SORBS2: variants seen among roughly 807,000 people sequenced by gnomAD.
The protein encoded by SORBS2 is sorbin and SH3 domain containing 2, also known as sorbin and SH3 domain-containing protein 2.
In SORBS2, 46 loss-of-function variants were observed where a neutral mutation model predicts 97.7. The observed-to-expected ratio is 0.47, with a 90% CI of 0.37 to 0.60. The LOEUF is 0.60. Ranked by LOEUF, SORBS2 falls within the 20% of genes least tolerant of loss-of-function variation. The probability of loss-of-function intolerance (pLI) is 0.00; values close to 1 mark genes in which losing one functional copy is unlikely to be tolerated. For synonymous variants in SORBS2, 476 were observed against 473.4 expected (o/e 1.01, Z -0.07); for missense variants, 1,316 against 1,282.3 (o/e 1.03, Z -0.40).
chr4:185,824,767 A>G (rs568201582), intron 1 of SORBS2, among the ~76,000 whole-genome samples: 77 of 152,186 alleles, frequency 5.1e-4, no homozygotes, highest in Non-Finnish European at 7.1e-4. Flanking sequence ...TGAATCAACA[A>G]CAAAAAGGGA....
intron 1 of SORBS2, among the ~76,000 whole-genome samples, chr4:185,910,404 C>G (rs1471652391): frequency 6.6e-6 from 1 of 152,152 alleles, no homozygotes; most frequent in Admixed American, 6.5e-5. Flanking sequence ...TCATTTTATC[C>G]TCTCCATTTC....
intron 4 of SORBS2, among the ~76,000 whole-genome samples, chr4:185,636,941 T>C (rs779368877): frequency 3.6e-4 from 55 of 152,174 alleles, no homozygotes; most frequent in Non-Finnish European, 1.0e-4. Flanking sequence ...GCCACCGTGC[T>C]CGGCCTCAAG....
In SORBS2 at chr4:185,623,103, T is replaced by G; in HGVS notation, c.2026A>C (p.Asn676His). ...CTCCTCAGCGCTCTCAGGGATGAGT[T>G]CCTCTCGGGAACATCTGGCAGCAGC... Residue 676 changes from asparagine to histidine, a missense_variant, in exon 7 of 15, where the codon AAC becomes CAC. Asn to His is a moderately conservative substitution (Grantham distance 68). Transcript: ENST00000418609. The surrounding 1 kb of genome is among the most constrained non-coding windows in gnomAD (Gnocchi z 6.4). 6.2e-7 allele frequency: 1 copy of G among 1,614,024 alleles called. No homozygotes were observed. The highest frequency in any genetic ancestry group is 8.5e-7 in the Non-Finnish European group (1 of 1,179,988).
intron 1 of SORBS2, among the ~76,000 whole-genome samples, chr4:185,879,166 C>CCCCG (rs2099235387): frequency 1.6e-5 from 1 of 62,862 alleles, no homozygotes; most frequent in African/African-American, 8.6e-5. Context: ...TGCTATCCCT[C>CCCCG]CCCCCCCCCC....
At chr4:185,855,387 G>A (rs2099220198) in intron 1 of SORBS2, among the ~76,000 whole-genome samples, 1 of 152,098 alleles carries the variant, frequency 6.6e-6, no homozygotes, top group Non-Finnish European at 1.5e-5. Context: ...ATGTATCAAT[G>A]TTTATGAGTG....
intron 2 of SORBS2, among the ~76,000 whole-genome samples, chr4:185,726,938 G>A (rs962538608): frequency 6.6e-6 from 1 of 152,168 alleles, no homozygotes; most frequent in Admixed American, 6.5e-5. Flanking sequence ...ATAGGGTCCT[G>A]TGGGTAAAGT....
chr4:185,953,233 G>A (rs2099278031), intron 1 of SORBS2, among the ~76,000 whole-genome samples: 1 of 152,256 alleles, frequency 6.6e-6, no homozygotes, highest in African/African-American at 2.4e-5. Context: ...AGAATTGCTT[G>A]AACCCGGGAG....
At chr4:185,646,424 T>A in intron 4 of SORBS2, 1 of 322,276 alleles carries the variant, frequency 3.1e-6, no homozygotes, top group Non-Finnish European at 5.5e-6. Context: ...TGTGTATATA[T>A]ATATATATAA....
At position 185,857,726 on chromosome 4, in the gene SORBS2, G is replaced by A. The variant is rs142469661; in HGVS notation, c.-337-82360C>T. Among the ~76,000 whole-genome samples, 298 of 152,270 alleles carry A rather than the reference G, an allele frequency of 2.0e-3. 1 individual carries two copies. Among genetic ancestry groups the A allele is most frequent in the African/African-American group, 6.9e-3 (288 of 41,552 alleles). ...GGGGAGGTCTATGAATGGCCGCTCT[G>A]GGAGTGTCTGTCTTATACGGTTGAG... On this transcript the variant is annotated intron_variant, in intron 1 of 20. Coordinates refer to the SORBS2 transcript ENST00000284776.
intron 1 of SORBS2, among the ~76,000 whole-genome samples, chr4:185,826,834 G>C (rs1201143737): frequency 6.6e-6 from 1 of 152,166 alleles, no homozygotes; most frequent in Non-Finnish European, 1.5e-5. Context: ...GCAAATTCCT[G>C]ACTTTATGTC....
intron 1 of SORBS2, among the ~76,000 whole-genome samples, chr4:185,817,114 A>G (rs1183262096): frequency 3.9e-5 from 6 of 152,168 alleles, no homozygotes; most frequent in South Asian, 2.1e-4. Context: ...GCAAATGACT[A>G]TGATTGCAGC....
intron 4 of SORBS2, chr4:185,677,367 G>C: frequency 6.4e-7 from 1 of 1,552,356 alleles, no homozygotes; most frequent in Non-Finnish European, 8.7e-7. Flanking sequence ...GTTAGCGAAT[G>C]GTGCAGGATC....
At chr4:185,890,518 A>G (rs2099241932) in intron 1 of SORBS2, among the ~76,000 whole-genome samples, 1 of 152,154 alleles carries the variant, frequency 6.6e-6, no homozygotes, top group Admixed American at 6.5e-5. Context: ...CTAATGAGAG[A>G]GCCCACAAGA....
At chr4:185,649,690 C>G in intron 2 of SORBS2, 34 bp from the exon 12 acceptor site, 1 of 1,305,484 alleles carries the variant, frequency 7.7e-7, no homozygotes, top group Non-Finnish European at 1.0e-6. Flanking sequence ...AGACAAAAAA[C>G]AGAAGCAAAT....
intron 2 of SORBS2, among the ~76,000 whole-genome samples, chr4:185,723,970 C>A (rs1205694299): frequency 6.6e-6 from 1 of 152,194 alleles, no homozygotes; most frequent in Admixed American, 6.5e-5. Flanking sequence ...AGAAGCAACC[C>A]TTCTCAGTGT....
intron 2 of SORBS2, chr4:185,757,188 G>T: frequency 2.9e-6 from 1 of 342,170 alleles, no homozygotes; most frequent in Non-Finnish European, 5.5e-6. Flanking sequence ...CCACTTCTTT[G>T]GATCTCAGTG....
intron 1 of SORBS2, among the ~76,000 whole-genome samples, chr4:185,800,885 C>T (rs1206974627): frequency 6.6e-6 from 1 of 152,178 alleles, no homozygotes; most frequent in African/African-American, 2.4e-5. Context: ...GTGATCACTT[C>T]TTATCTTTTT....
chr4:185,587,831 G>A, intron 14 of SORBS2, 143 bp from the exon 27 acceptor site: 1 of 645,522 alleles, frequency 1.5e-6, no homozygotes, highest in South Asian at 1.8e-5. Flanking sequence ...CTCACATGAA[G>A]CCCATAGGCA....
At chr4:185,710,315 C>T (rs948641001) in intron 2 of SORBS2, among the ~76,000 whole-genome samples, 2 of 152,208 alleles carry the variant, frequency 1.3e-5, no homozygotes, top group African/African-American at 2.4e-5. Context: ...CTGTGGATGC[C>T]TCATTGTTGC....
Sources: gnomAD v4.1 joint callset for allele counts (sites outside exome capture counted in the v4.1 genomes callset) on GRCh38, gnomAD v4.1.1 for gene constraint, Gnocchi (gnomAD v3.1) non-coding constraint, MANE v1.5 for transcripts, NCBI Gene and HGNC (gene_info 2026-07-23, HGNC 2026-07-21) for gene names.